ABCB5: variants seen among roughly 807,000 people sequenced by gnomAD.
ABCB5 encodes ATP binding cassette subfamily B member 5.
In ABCB5, 155 loss-of-function variants were observed where a neutral mutation model predicts 144.2. The observed-to-expected ratio is 1.08, with a 90% CI of 0.94 to 1.23. The LOEUF is 1.23. Among genes scored for constraint, ABCB5 ranks in the 50% most tolerant of loss-of-function variants. ABCB5 has a pLI of 0.00. For missense variants in ABCB5, 1,830 were observed against 1,520.8 expected (o/e 1.20, Z -3.38); for synonymous variants, 610 against 528.6 (o/e 1.15, Z -2.11).
At chr7:20,678,374 GAA>G (rs1785680986) in intron 14 of ABCB5, among the ~76,000 whole-genome samples, 2 of 152,180 alleles carry the variant, frequency 1.3e-5, no homozygotes, top group African/African-American at 4.8e-5. Context: ...CTTGTGGAGA[GAA>G]GAGGGAAAAC....
At chr7:20,663,013 T>C (rs1236039443) in intron 14 of ABCB5, among the ~76,000 whole-genome samples, 4 of 152,206 alleles carry the variant, frequency 2.6e-5, no homozygotes, top group Non-Finnish European at 5.9e-5. Flanking sequence ...AAGACATTTA[T>C]TCTCCTGTTT....
intron 14 of ABCB5, among the ~76,000 whole-genome samples, chr7:20,673,639 C>G (rs1785519210): frequency 6.6e-6 from 1 of 151,800 alleles, no homozygotes; most frequent in South Asian, 2.1e-4. Flanking sequence ...TAGTCTTAAC[C>G]TCTTTGTTTC....
rs1433733460 is a variant in ABCB5, at chr7:20,723,299, T to C, written c.2625+80T>C. ...ACTTTATGATATGTTAACTATATGATGTGTTAACCATCTTTATGATATATT... is the reference window on the plus strand; with the variant it reads ...ACTTTATGATATGTTAACTATATGACGTGTTAACCATCTTTATGATATATT... On this transcript the variant is annotated intron_variant, in intron 21 of 27. Transcript: ENST00000404938. 19 of 1,363,474 alleles carry C rather than the reference T, an allele frequency of 1.4e-5. No homozygotes were observed. The Middle Eastern group carries it at 5.3e-4, about 38-fold the overall frequency. The allele number at this position is 1,363,474 out of a possible 1,614,324, so 84.5% of individuals were successfully genotyped here.
chr7:20,670,560 T>C (rs751541521), intron 14 of ABCB5, among the ~76,000 whole-genome samples: 51 of 152,196 alleles, frequency 3.4e-4, no homozygotes, highest in Non-Finnish European at 6.2e-4. Flanking sequence ...AAGGGTGTGC[T>C]GTATAAGCGA....
intron 15 of ABCB5, among the ~76,000 whole-genome samples, chr7:20,685,415 G>A (rs1037984869): frequency 6.6e-6 from 1 of 152,280 alleles, no homozygotes; most frequent in South Asian, 2.1e-4. Flanking sequence ...ATCTCTCCTT[G>A]TTAGTGATAT....
intron 14 of ABCB5, among the ~76,000 whole-genome samples, chr7:20,681,070 T>C (rs796557025): frequency 0.075 from 1,065 of 14,114 alleles, 108 homozygotes; most frequent in African/African-American, 0.29. Context: ...CTTTCTTTCT[T>C]TCTTTCTTTC....
intron 2 of ABCB5, among the ~76,000 whole-genome samples, chr7:20,625,358 T>C (rs1316005051): frequency 6.6e-6 from 1 of 152,204 alleles, no homozygotes; most frequent in Non-Finnish European, 1.5e-5. Flanking sequence ...CAGTCTTCTC[T>C]TAATGTTTCA....
At chr7:20,673,684 G>A (rs555208919) in intron 14 of ABCB5, among the ~76,000 whole-genome samples, 4 of 151,862 alleles carry the variant, frequency 2.6e-5, no homozygotes, top group Non-Finnish European at 5.9e-5. Context: ...CAGATGACAC[G>A]TAGTTGGGTC....
intron 14 of ABCB5, among the ~76,000 whole-genome samples, chr7:20,673,641 C>A (rs1352501154): frequency 2.6e-5 from 4 of 151,910 alleles, no homozygotes; most frequent in Non-Finnish European, 4.4e-5. Flanking sequence ...GTCTTAACCT[C>A]TTTGTTTCTT....
intron 3 of ABCB5, among the ~76,000 whole-genome samples, chr7:20,626,826 T>C (rs951934620): frequency 6.6e-6 from 1 of 151,206 alleles, no homozygotes; most frequent in African/African-American, 2.4e-5. Flanking sequence ...ATCCACATAA[T>C]GACTCAGTGT....
intron 7 of ABCB5, 99 bp from the exon 8 acceptor site, chr7:20,645,657 C>A: frequency 2.9e-6 from 4 of 1,398,294 alleles, no homozygotes; most frequent in South Asian, 2.9e-5. Flanking sequence ...AAAAAAATAC[C>A]ATTAGTCTAC....
At chr7:20,645,061 C>T (rs1341700248) in intron 7 of ABCB5, among the ~76,000 whole-genome samples, 1 of 152,138 alleles carries the variant, frequency 6.6e-6, no homozygotes, top group Non-Finnish European at 1.5e-5. Flanking sequence ...TTATTGTATT[C>T]ATTGATCATG....
chr7:20,656,987 C>G (rs560639995), intron 13 of ABCB5, among the ~76,000 whole-genome samples: 4 of 148,672 alleles, frequency 2.7e-5, no homozygotes, highest in African/African-American at 9.9e-5. Flanking sequence ...AATCTCAGCT[C>G]ACTGCAGCCT....
rs948483632 is a variant in ABCB5 at position 20,752,932 on chromosome 7, C to A, written c.3430-428C>A. Among the ~76,000 whole-genome samples the A allele has an allele frequency of 1.2e-4, 18 of 152,254 alleles. No individual in the cohort carries two copies. The East Asian group carries it at 3.3e-3, about 28-fold the overall frequency. On this transcript the variant is annotated intron_variant, in intron 26 of 27. Transcript: ENST00000404938. Reference sequence around the variant, plus strand: ...TATCCCAGCATCTGTAAGGATGTGCCCACAGAGGCTCAGCAAGAGCCAAAG... The same window carrying A: ...TATCCCAGCATCTGTAAGGATGTGCACACAGAGGCTCAGCAAGAGCCAAAG...
chr7:20,619,423 A>G (rs1159535996), intron 1 of ABCB5, among the ~76,000 whole-genome samples: 1 of 151,762 alleles, frequency 6.6e-6, no homozygotes, highest in Non-Finnish European at 1.5e-5. Context: ...TTGATTTACA[A>G]TTTTCTCATG....
In ABCB5 at chr7:20,755,474, AGTG is replaced by A. The variant is rs1442754173; in HGVS notation, c.3627_3629del (p.Val1210del). 6.2e-7 allele frequency: 1 copy of A among 1,614,070 alleles called. No individual in the cohort carries two copies. The highest frequency in any genetic ancestry group is 1.3e-5 in the African/African-American group (1 of 74,932). On this transcript the variant is annotated inframe_deletion, in exon 28 of 28. Coordinates refer to ENST00000404938, the MANE Select transcript of ABCB5 (RefSeq NM_001163941.2). ...AAGCCAGGACGGGAAGGACATGCCT[AGTG>A]GTCACTCACAGGCTCTCTGCAATTC...
intron 20 of ABCB5, among the ~76,000 whole-genome samples, chr7:20,708,213 A>C (rs1365360338): frequency 6.6e-6 from 1 of 152,196 alleles, no homozygotes; most frequent in African/African-American, 2.4e-5. Flanking sequence ...CCACAGCATA[A>C]GGTTGGCGTA....
chr7:20,714,396 A>G (rs185183023), intron 20 of ABCB5, among the ~76,000 whole-genome samples: 1 of 152,044 alleles, frequency 6.6e-6, no homozygotes, highest in Non-Finnish European at 1.5e-5. Context: ...AATCTAAGAA[A>G]GCTTAATTAA....
chr7:20,618,642 T>C (rs1330767254), intron 1 of ABCB5, among the ~76,000 whole-genome samples: 1 of 152,138 alleles, frequency 6.6e-6, no homozygotes, highest in African/African-American at 2.4e-5. Context: ...TCAGCTCCCA[T>C]TTATCAGTGA....
Sources: gnomAD v4.1 joint callset for allele counts (sites outside exome capture counted in the v4.1 genomes callset) on GRCh38, gnomAD v4.1.1 for gene constraint, MANE v1.5 for transcripts, NCBI Gene and HGNC (gene_info 2026-07-23, HGNC 2026-07-21) for gene names.